The following NTN1 variants were observed in gnomAD, a reference collection of about 807,000 sequenced individuals.
NTN1 encodes netrin 1, also known as netrin-1.
Under a neutral mutation model 54.2 loss-of-function variants are expected in NTN1, and 11 were observed. The observed-to-expected ratio is 0.20, with a 90% CI of 0.13 to 0.34. The LOEUF is 0.34. Among genes scored for constraint, NTN1 ranks in the 10% least tolerant of loss-of-function variants. The pLI, the probability that NTN1 is intolerant of heterozygous loss-of-function variation, is 1.00. For synonymous variants in NTN1, 371 were observed against 382.0 expected, an observed-to-expected ratio of 0.97 and a Z score of 0.33; for missense variants, 740 against 893.1, an observed-to-expected ratio of 0.83 and a Z score of 2.18.
chr17:9,140,877 G>T (rs2092295673), intron 2 of NTN1, among the ~76,000 whole-genome samples: 2 of 152,314 alleles, frequency 1.3e-5, no homozygotes, highest in Middle Eastern at 3.4e-3. Flanking sequence ...CTTGGACTAG[G>T]GAAAGAAGTA....
At chr17:9,226,502 G>T (rs1188154363) in intron 6 of NTN1, among the ~76,000 whole-genome samples, 10 of 32,824 alleles carry the variant, frequency 3.0e-4, no homozygotes, top group Admixed American at 8.9e-4. Context: ...GTGGGGAGGT[G>T]GTCTCGTGGG....
At chr17:9,123,320 G>A (rs1242037610) in intron 2 of NTN1, among the ~76,000 whole-genome samples, 1 of 152,146 alleles carries the variant, frequency 6.6e-6, no homozygotes, top group Non-Finnish European at 1.5e-5. Context: ...TTTATATTTT[G>A]TGAATCACCT....
intron 2 of NTN1, among the ~76,000 whole-genome samples, chr17:9,045,721 A>G (rs2091939567): frequency 6.6e-6 from 1 of 152,254 alleles, no homozygotes; most frequent in African/African-American, 2.4e-5. Flanking sequence ...TCAATGAGCC[A>G]GAAAACAAAT....
At chr17:9,200,864 T>C (rs1051930556) in intron 5 of NTN1, among the ~76,000 whole-genome samples, 5 of 152,178 alleles carry the variant, frequency 3.3e-5, no homozygotes, top group African/African-American at 1.2e-4. Flanking sequence ...GTTAACTAAA[T>C]CCACACGTCA....
intron 2 of NTN1, among the ~76,000 whole-genome samples, chr17:9,040,207 T>C (rs2091916885): frequency 6.6e-6 from 1 of 152,240 alleles, no homozygotes; most frequent in African/African-American, 2.4e-5. Context: ...GTGTGGTAGA[T>C]ACCCTTCCAA....
intron 6 of NTN1, among the ~76,000 whole-genome samples, chr17:9,224,751 G>A (rs1905477363): frequency 6.7e-6 from 1 of 149,176 alleles, no homozygotes; most frequent in African/African-American, 2.5e-5. Context: ...TCACCCAGCT[G>A]TCCACATTTC....
intron 2 of NTN1, among the ~76,000 whole-genome samples, chr17:9,151,497 T>G (rs1333458696): frequency 6.6e-6 from 1 of 152,198 alleles, no homozygotes; most frequent in Non-Finnish European, 1.5e-5. Flanking sequence ...TCTTTCATTT[T>G]TCCTACCACC....
intron 6 of NTN1, among the ~76,000 whole-genome samples, chr17:9,226,698 T>A (rs1401644488): frequency 6.6e-6 from 1 of 152,080 alleles, no homozygotes; most frequent in Non-Finnish European, 1.5e-5. Flanking sequence ...GTTTTATTAT[T>A]TTCAAGCATA....
chr17:9,161,726 C>G (rs1342147872), intron 2 of NTN1, among the ~76,000 whole-genome samples: 1 of 151,988 alleles, frequency 6.6e-6, no homozygotes, highest in South Asian at 2.1e-4. Context: ...TGCAGTGAGC[C>G]GAGATCAGGC....
chr17:9,218,302 C>T (rs370169707), intron 5 of NTN1, among the ~76,000 whole-genome samples: 1 of 152,158 alleles, frequency 6.6e-6, no homozygotes, highest in East Asian at 1.9e-4. Context: ...TGTCTCTGTG[C>T]CTTAGATTCT....
intron 6 of NTN1, among the ~76,000 whole-genome samples, chr17:9,224,120 T>G (rs1452558352): frequency 1.3e-5 from 2 of 152,228 alleles, no homozygotes; most frequent in East Asian, 3.8e-4. Flanking sequence ...TGTGTTCCAC[T>G]GGATTCTATT....
At chr17:9,166,604 A>G (rs2092374111) in intron 3 of NTN1, among the ~76,000 whole-genome samples, 1 of 152,144 alleles carries the variant, frequency 6.6e-6, no homozygotes, top group Non-Finnish European at 1.5e-5. Context: ...AGCCTCCCAA[A>G]GTGCTGGGAT....
intron 2 of NTN1, among the ~76,000 whole-genome samples, chr17:9,095,785 A>G (rs930866694): frequency 2.7e-5 from 4 of 149,936 alleles, no homozygotes; most frequent in Admixed American, 2.0e-4. Context: ...GAGAATCTTT[A>G]TAATTTTTTT....
chr17:9,124,187 T>A (rs2092239158), intron 2 of NTN1, among the ~76,000 whole-genome samples: 2 of 152,248 alleles, frequency 1.3e-5, no homozygotes, highest in South Asian at 4.1e-4. Flanking sequence ...CTCACTCTTC[T>A]GACTCATGTT....
intron 3 of NTN1, among the ~76,000 whole-genome samples, chr17:9,166,100 G>C (rs2142302295): frequency 6.6e-6 from 1 of 151,626 alleles, no homozygotes; most frequent in African/African-American, 2.4e-5. Context: ...ATGCTGGCGG[G>C]ATGTGTACCC....
In NTN1 at chr17:9,049,294, C is replaced by A. The variant is rs116771978; in HGVS notation, c.1018+25903C>A. Reference sequence around the variant, plus strand: ...CATAATGCTAGTTAGAGTACCTTCCCGCAACCACAGAAGGAAAAAGAATAA... The same window carrying A: ...CATAATGCTAGTTAGAGTACCTTCCAGCAACCACAGAAGGAAAAAGAATAA... On this transcript the variant is annotated intron_variant, in intron 2 of 6. Coordinates refer to ENST00000173229, the MANE Select transcript of NTN1 (RefSeq NM_004822.3). Among the ~76,000 whole-genome samples the A allele has an allele frequency of 3.3e-5, 5 of 152,214 alleles. No individual in the cohort carries two copies. The South Asian group carries it at 1.0e-3, about 32-fold the overall frequency.
rs985181574 is a variant in NTN1 at position 9,165,575 on chromosome 17, G to A, written c.1207+2574G>A. 1.3e-5 allele frequency among the ~76,000 whole-genome samples: 2 copies of A among 152,186 alleles called. No homozygotes were observed. The highest frequency in any genetic ancestry group is 2.9e-5 in the Non-Finnish European group (2 of 68,032). On this transcript the variant is annotated intron_variant, in intron 3 of 6. Coordinates refer to ENST00000173229, the MANE Select transcript of NTN1 (RefSeq NM_004822.3). The surrounding 1 kb of genome is among the most constrained non-coding windows in gnomAD (Gnocchi z 4.5). ...ACCCTGGGAGAATAACTCACAGGACGGGAAAACCTAAGGATGGATTCTACT... is the reference window on the plus strand; with the variant it reads ...ACCCTGGGAGAATAACTCACAGGACAGGAAAACCTAAGGATGGATTCTACT...
the NTN1 span, among the ~76,000 whole-genome samples, chr17:9,005,282 C>G: frequency 6.6e-6 from 1 of 152,150 alleles, no homozygotes; most frequent in Non-Finnish European, 1.5e-5. Context: ...GATTCTAGAG[C>G]CATTATACAG....
the NTN1 span, among the ~76,000 whole-genome samples, chr17:9,009,941 G>A: frequency 6.6e-5 from 10 of 152,072 alleles, no homozygotes; most frequent in Non-Finnish European, 1.0e-4. Context: ...TTCCTCACTC[G>A]TAATCTGGGG....
Sources: gnomAD v4.1 joint callset for allele counts (sites outside exome capture counted in the v4.1 genomes callset) on GRCh38, gnomAD v4.1.1 for gene constraint, Gnocchi (gnomAD v3.1) non-coding constraint, MANE v1.5 for transcripts, NCBI Gene and HGNC (gene_info 2026-07-23, HGNC 2026-07-21) for gene names.